NINL: variants seen among roughly 807,000 people sequenced by gnomAD.
NINL encodes ninein-like protein.
Under a neutral mutation model 160.3 loss-of-function variants are expected in NINL, and 153 were observed. The ratio of observed to expected loss-of-function variants is 0.95; its 90% CI spans 0.84 to 1.09. NINL has a LOEUF of 1.09. NINL is among the 50% of genes least tolerant of loss of function. NINL has a pLI of 0.00. For missense variants in NINL, 1,829 were observed against 1,764.0 expected (o/e 1.04, Z -0.66); for synonymous variants, 800 against 734.8 (o/e 1.09, Z -1.43).
intron 21 of NINL, among the ~76,000 whole-genome samples, chr20:25,459,816 G>C (rs1175227499): frequency 6.6e-6 from 1 of 152,190 alleles, no homozygotes; most frequent in Admixed American, 6.5e-5. Flanking sequence ...GAGCCATCCA[G>C]TCCTCTTCAT....
At position 25,476,343 on chromosome 20, in the gene NINL, G is replaced by A. The variant is rs2063236402; in HGVS notation, c.2948C>T (p.Ala983Val). 1.2e-6 allele frequency: 2 copies of A among 1,612,274 alleles called. No homozygotes were observed. Among genetic ancestry groups the A allele is most frequent in the Admixed American group, 1.7e-5 (1 of 60,006 alleles). ...ERLQAIQEER[A>V]RSWSRGTQEQ... ...CTGGGTGCCCCTGCTCCAGCTTCGT[G>A]CTCGCTCTTCCTGAATGGCCTGTAG... Residue 983 changes from alanine to valine, a missense_variant, in exon 17 of 24, where the codon GCA becomes GTA. Physicochemically the swap from Ala to Val is moderately conservative, Grantham distance 64. Coordinates refer to ENST00000278886, the MANE Select transcript of NINL (RefSeq NM_025176.6).
At chr20:25,530,526 C>G (rs966744203) in intron 1 of NINL, among the ~76,000 whole-genome samples, 2 of 151,994 alleles carry the variant, frequency 1.3e-5, no homozygotes, top group African/African-American at 4.8e-5. Context: ...GAAAATTCAG[C>G]CAGATATTGG....
chr20:25,578,793 C>CA (rs11344577), intron 1 of NINL, among the ~76,000 whole-genome samples: 70 of 74,060 alleles, frequency 9.5e-4, no homozygotes, highest in African/African-American at 2.5e-3. Context: ...ACTCCATCTC[C>CA]AAAAAAAAAA....
intron 13 of NINL, chr20:25,489,010 C>G (rs1043820466): frequency 3.7e-6 from 2 of 537,544 alleles, no homozygotes; most frequent in Non-Finnish European, 6.7e-6. Context: ...ACATGAACAA[C>G]AGAAGACAAC....
intron 14 of NINL, among the ~76,000 whole-genome samples, chr20:25,480,937 A>G (rs1369379499): frequency 6.6e-6 from 1 of 151,422 alleles, no homozygotes; most frequent in African/African-American, 2.4e-5. Flanking sequence ...GGGGTCTTGC[A>G]CCTCCCTGCA....
At chr20:25,508,563 C>G (rs1422101317) in intron 5 of NINL, among the ~76,000 whole-genome samples, 2 of 152,238 alleles carry the variant, frequency 1.3e-5, no homozygotes, top group Admixed American at 6.5e-5. Context: ...CACACCTCAC[C>G]AGTGGGATCC....
Position 25,461,552 on chromosome 20 carries a change from C to T in NINL, c.3666G>A (p.Leu1222=). 1 of 1,596,608 alleles carries T rather than the reference C, an allele frequency of 6.3e-7. No homozygotes were observed. Among genetic ancestry groups the T allele is most frequent in the Non-Finnish European group, 8.5e-7 (1 of 1,173,750 alleles). The change falls in exon 21 of 24, where the codon CTG becomes CTA. Residue 1222 remains leucine, a synonymous_variant. Transcript: ENST00000278886. ...HQSLQLPWSE[L]TQTLEESQDQ... ...CTTGACTTTCCTCAAGGGTCTGGGT[C>T]AGCTCTGACCATGGCAGCTGCAGGC...
At position 25,510,726 on chromosome 20, in the gene NINL, A is replaced by T; in HGVS notation, c.465T>A (p.Asp155Glu). Residue 155 changes from aspartate (D) to glutamate (E), a missense_variant, in exon 5 of 24, where the codon GAT (aspartate) becomes GAA (glutamate). By Grantham distance (45) the Asp-to-Glu change is conservative. Coordinates refer to ENST00000278886, the MANE Select transcript of NINL (RefSeq NM_025176.6). ...CTTCTTTAGTGCTCTCGGCCTCTTC[A>T]TCTGACTTGGGACTCTGTAGAAAGA... is the stretch of plus-strand genomic sequence containing the variant. ...SLESVESPKS[D>E]EEAESTKEAQ... The T allele has an allele frequency of 6.2e-7, 1 of 1,613,724 alleles. No homozygotes were observed. Among genetic ancestry groups the T allele is most frequent in the Non-Finnish European group, 8.5e-7 (1 of 1,179,834 alleles).
At chr20:25,562,939 G>A (rs556355091) in intron 1 of NINL, among the ~76,000 whole-genome samples, 41 of 152,258 alleles carry the variant, frequency 2.7e-4, no homozygotes, top group East Asian at 3.9e-4. Flanking sequence ...AGGCTAAGGC[G>A]GGCAGATCAC....
intron 2 of NINL, among the ~76,000 whole-genome samples, chr20:25,524,082 C>A (rs1463867505): frequency 6.6e-6 from 1 of 152,184 alleles, no homozygotes; most frequent in Non-Finnish European, 1.5e-5. Flanking sequence ...TGACTTGATA[C>A]CGCTTCCCTT....
Position 25,453,324 on chromosome 20 carries a change from G to A in NINL, c.*127C>T, listed in dbSNP as rs1452390724. 1 of 804,096 alleles carries A rather than the reference G, an allele frequency of 1.2e-6. No homozygotes were observed. Among genetic ancestry groups the A allele is most frequent in the Non-Finnish European group, 1.9e-6 (1 of 519,910 alleles). 49.8% of individuals were successfully genotyped at this position (804,096 alleles called of 1,614,324 possible). A position where few individuals can be genotyped will look rare whatever the true frequency, so the allele number is the denominator to read the frequency against. On this transcript the variant is annotated 3_prime_UTR_variant, in exon 24 of 24. Transcript: ENST00000278886. ...AGACCATTCATTAACTATCTGCGGG[G>A]TGAACAAAGAATCCCAATCCTCAGA...
At chr20:25,545,201 G>A (rs1219755901) in intron 1 of NINL, among the ~76,000 whole-genome samples, 2 of 152,226 alleles carry the variant, frequency 1.3e-5, no homozygotes, top group African/African-American at 4.8e-5. Context: ...CATGGGCCTT[G>A]AGCTGGTGCC....
rs1281382426 is a variant in NINL at position 25,490,083 on chromosome 20, T to C, written c.1486-98A>G. 8 of 1,120,990 alleles carry C rather than the reference T, an allele frequency of 7.1e-6. No individual in the cohort carries two copies. In the East Asian group the frequency reaches 1.9e-4, roughly 26 times the overall value. 69.4% of individuals were successfully genotyped at this position (1,120,990 alleles called of 1,614,324 possible). A position where few individuals can be genotyped will look rare whatever the true frequency, so the allele number is the denominator to read the frequency against. On this transcript the variant is annotated intron_variant, in intron 11 of 23. Transcript: ENST00000278886. ...GGCTTGCTTCTCATAGGACTGGGCATCAGGAAAGAACCCCCACCCACCGCA... is the reference window on the plus strand; with the variant it reads ...GGCTTGCTTCTCATAGGACTGGGCACCAGGAAAGAACCCCCACCCACCGCA...
At chr20:25,548,178 G>C (rs1335202148) in intron 1 of NINL, among the ~76,000 whole-genome samples, 1 of 152,192 alleles carries the variant, frequency 6.6e-6, no homozygotes, top group South Asian at 2.1e-4. Flanking sequence ...GGTCGGGGGG[G>C]TTCTGCTGCA....
chr20:25,481,476 G>A (rs946330113), intron 14 of NINL, among the ~76,000 whole-genome samples: 1 of 152,168 alleles, frequency 6.6e-6, no homozygotes, highest in Non-Finnish European at 1.5e-5. Flanking sequence ...CATTGGCTGC[G>A]AGCACAGGGG....
At chr20:25,570,449 C>CA (rs2065040763) in intron 1 of NINL, among the ~76,000 whole-genome samples, 1 of 152,108 alleles carries the variant, frequency 6.6e-6, no homozygotes, top group Admixed American at 6.6e-5. Context: ...CTCCTGCTCC[C>CA]ACTGTGTGAG....
chr20:25,470,679 A>G (rs2063073640), intron 17 of NINL, among the ~76,000 whole-genome samples: 1 of 152,216 alleles, frequency 6.6e-6, no homozygotes, highest in African/African-American at 2.4e-5. Context: ...TGATAGATGA[A>G]GATGGCAATT....
rs185138757 is a variant in NINL, at chr20:25,482,755, G to A, written c.1678-655C>T. ...AATGCAGAGTATGGCCGGGCATGGT[G>A]GCTCACGCCTGTAATCCCAACATTC... On this transcript the variant is annotated intron_variant, in intron 13 of 23. Transcript: ENST00000278886. 2.7e-3 allele frequency among the ~76,000 whole-genome samples: 403 copies of A among 146,884 alleles called. 3 individuals are homozygous for A. Among genetic ancestry groups the A allele is most frequent in the African/African-American group, 8.8e-3 (357 of 40,552 alleles).
chr20:25,476,955 A>T lies in NINL; in HGVS notation c.2336T>A (p.Leu779Gln), dbSNP rs1378513732. The T allele has an allele frequency of 1.2e-6, 2 of 1,609,692 alleles. No homozygotes were observed. The highest frequency in any genetic ancestry group is 8.5e-7 in the Non-Finnish European group (1 of 1,179,870). ...CAGCTTCAGTGCCCTCTCCAGCTCCAGCTGCTCCGACCTCTGGCTCCCGCG... is the reference window on the plus strand; with the variant it reads ...CAGCTTCAGTGCCCTCTCCAGCTCCTGCTGCTCCGACCTCTGGCTCCCGCG... ...LPRGSQRSEQ[L>Q]ELERALKLQP... Residue 779 changes from leucine to glutamine, a missense_variant, in exon 17 of 24, where the codon CTG (leucine) becomes CAG (glutamine). By Grantham distance (113) the Leu-to-Gln change is moderately radical (BLOSUM62 -2). Coordinates refer to ENST00000278886, the MANE Select transcript of NINL (RefSeq NM_025176.6).
Sources: allele counts gnomAD v4.1 joint callset (sites outside exome capture counted in the v4.1 genomes callset), GRCh38; gene constraint gnomAD v4.1.1; transcripts MANE v1.5; gene names NCBI Gene and HGNC (gene_info 2026-07-23, HGNC 2026-07-21).